The following IL20RB variants were observed in gnomAD, a reference collection of about 807,000 sequenced individuals.
IL20RB encodes the protein interleukin 20 receptor subunit beta.
A neutral mutation model predicts 33.3 loss-of-function variants in IL20RB; 21 were observed. That is an observed-to-expected ratio of 0.63 (90% CI 0.45 to 0.91). IL20RB has a LOEUF of 0.91. Among genes scored for constraint, IL20RB ranks in the 40% least tolerant of loss-of-function variants. The probability of loss-of-function intolerance (pLI) is 0.00; values close to 1 mark genes in which losing one functional copy is unlikely to be tolerated. For synonymous variants in IL20RB, 147 were observed against 146.8 expected (o/e 1.00, Z -0.01); for missense variants, 345 against 384.8 (o/e 0.90, Z 0.86).
rs1365063070 is a variant in IL20RB at position 136,982,317 on chromosome 3, A to G, written c.373A>G (p.Ser125Gly). The G allele has an allele frequency of 1.3e-6, 2 of 1,599,176 alleles. No homozygotes were observed. Among genetic ancestry groups the G allele is most frequent in the South Asian group, 1.1e-5 (1 of 90,280 alleles). The stretch of plus-strand genomic sequence containing the variant: ...ATTGGGCTCACAGACCTCAGCCTGG[A>G]GCATCCTGAAGCATCCCTTTAATAG... ...ATLGSQTSAWSILKHPFNRNS... is the reference protein window; with the variant it reads ...ATLGSQTSAWGILKHPFNRNS... The change falls in exon 3 of 7, where the codon AGC becomes GGC. Residue 125 changes from serine (S) to glycine (G), a missense_variant. Coordinates refer to ENST00000329582, the MANE Select transcript of IL20RB (RefSeq NM_144717.4).
chr3:136,958,591 A>G (rs769879004), intron 1 of IL20RB, among the ~76,000 whole-genome samples: 4 of 152,244 alleles, frequency 2.6e-5, no homozygotes, highest in Non-Finnish European at 2.9e-5. Context: ...CAAAATACAC[A>G]TGAATAAAAA....
intron 1 of IL20RB, among the ~76,000 whole-genome samples, chr3:136,980,106 G>GT (rs1020057028): frequency 2.6e-5 from 4 of 152,152 alleles, no homozygotes; most frequent in African/African-American, 7.2e-5. Context: ...AGACAGTCAT[G>GT]TAACAATCCA....
intron 1 of IL20RB, chr3:136,959,106 C>G (rs1336795940): frequency 1.3e-5 from 2 of 152,206 alleles, no homozygotes; most frequent in Admixed American, 1.3e-4. Flanking sequence ...ACCTTCACAG[C>G]TCCCAGTTGT....
At chr3:136,960,878 C>A (rs1235001572) in intron 1 of IL20RB, among the ~76,000 whole-genome samples, 1 of 152,080 alleles carries the variant, frequency 6.6e-6, no homozygotes, top group Non-Finnish European at 1.5e-5. Flanking sequence ...AATGCATTAG[C>A]CTTAAAGGCT....
chr3:136,987,943 A>G (rs1159020659), intron 3 of IL20RB, among the ~76,000 whole-genome samples: 2 of 152,124 alleles, frequency 1.3e-5, no homozygotes, highest in African/African-American at 4.8e-5. Flanking sequence ...CGCCGCGTGC[A>G]GCCCCGGTTC....
At position 137,010,332 on chromosome 3, in the gene IL20RB, G is replaced by A; in HGVS notation, c.*109G>A. 1.5e-6 allele frequency: 1 copy of A among 680,390 alleles called. No individual in the cohort carries two copies. The highest frequency in any genetic ancestry group is 2.7e-6 in the Non-Finnish European group (1 of 370,280). 42.1% of individuals were successfully genotyped at this position (680,390 alleles called of 1,614,324 possible). ...CCGCCACGGACAAGGGATGAGAGAA[G>A]TAGGAAGAGCCTGTTGTCTACAAGT... On this transcript the variant is annotated 3_prime_UTR_variant, in exon 7 of 7. Transcript: ENST00000329582.
chr3:137,002,781 C>T lies in IL20RB; in HGVS notation c.825+7225C>T, dbSNP rs992526025. Reference sequence around the variant, plus strand: ...AGAAGCTCTTTAGGTTAATTATATCCCATTTGTCTATTTTGGCTTTTGTTG... The same window carrying T: ...AGAAGCTCTTTAGGTTAATTATATCTCATTTGTCTATTTTGGCTTTTGTTG... On this transcript the variant is annotated intron_variant, in intron 6 of 6. Coordinates refer to ENST00000329582, the MANE Select transcript of IL20RB (RefSeq NM_144717.4). Among the ~76,000 whole-genome samples, 5 of 152,176 alleles carry T rather than the reference C, an allele frequency of 3.3e-5. No homozygotes were observed. The South Asian group carries it at 1.0e-3, about 32-fold the overall frequency.
intron 4 of IL20RB, among the ~76,000 whole-genome samples, chr3:136,990,702 G>A (rs532561499): frequency 6.6e-6 from 1 of 152,184 alleles, no homozygotes; most frequent in Non-Finnish European, 1.5e-5. Context: ...CAGGCCAAGG[G>A]TACCCTTGAT....
At chr3:136,964,511 C>T (rs201964273) in intron 1 of IL20RB, among the ~76,000 whole-genome samples, 6,768 of 45,474 alleles carry the variant, frequency 0.15, 734 homozygotes, top group East Asian at 0.53. Context: ...AGTGTCTGTT[C>T]ATGTCCTTCG....
chr3:137,004,035 T>C (rs1393802670), intron 6 of IL20RB, among the ~76,000 whole-genome samples: 1 of 152,188 alleles, frequency 6.6e-6, no homozygotes, highest in Non-Finnish European at 1.5e-5. Flanking sequence ...GGTTTTTGTC[T>C]TTGGTTCTGT....
intron 3 of IL20RB, among the ~76,000 whole-genome samples, chr3:136,986,962 C>T (rs361252): frequency 0.45 from 67,727 of 151,488 alleles, 15,537 homozygotes; most frequent in East Asian, 0.7. Flanking sequence ...TTGTTCGTTC[C>T]TCCTGGTGGG....
chr3:137,007,211 G>A (rs189581061), intron 6 of IL20RB, among the ~76,000 whole-genome samples: 153 of 152,184 alleles, frequency 1.0e-3, no homozygotes, highest in Admixed American at 1.8e-3. Context: ...AGCCCCTACT[G>A]GGAGGTGTCT....
At chr3:137,003,604 G>A (rs1419248568) in intron 6 of IL20RB, among the ~76,000 whole-genome samples, 1 of 152,144 alleles carries the variant, frequency 6.6e-6, no homozygotes, top group Non-Finnish European at 1.5e-5. Flanking sequence ...TGTGAGTTTT[G>A]CACATCGATT....
At chr3:136,967,252 G>C (rs1270692405) in intron 1 of IL20RB, among the ~76,000 whole-genome samples, 1 of 151,448 alleles carries the variant, frequency 6.6e-6, no homozygotes, top group African/African-American at 2.4e-5. Context: ...GGGTATCCTT[G>C]TTGACTTTCT....
chr3:136,969,212 T>C (rs1941399245), intron 1 of IL20RB: 1 of 68,558 alleles, frequency 1.5e-5, no homozygotes. Context: ...CCTTGAGCTG[T>C]GGTGGGCTCC....
intron 1 of IL20RB, among the ~76,000 whole-genome samples, chr3:136,970,858 T>A (rs1398063119): frequency 6.6e-6 from 1 of 151,944 alleles, no homozygotes; most frequent in African/African-American, 2.4e-5. Context: ...TTCACCGTGT[T>A]AGCCAGGATG....
At chr3:136,961,762 A>G (rs1234381813) in intron 1 of IL20RB, among the ~76,000 whole-genome samples, 1 of 152,228 alleles carries the variant, frequency 6.6e-6, no homozygotes, top group Non-Finnish European at 1.5e-5. Context: ...TTATGGTTAC[A>G]TAAGATGTTA....
At chr3:136,999,208 C>G (rs1942193548) in intron 6 of IL20RB, among the ~76,000 whole-genome samples, 1 of 151,992 alleles carries the variant, frequency 6.6e-6, no homozygotes, top group Non-Finnish European at 1.5e-5. Context: ...GTGATCCTCC[C>G]ACTTCAGCCT....
intron 3 of IL20RB, among the ~76,000 whole-genome samples, chr3:136,987,650 C>T (rs1380293045): frequency 6.6e-6 from 1 of 152,184 alleles, no homozygotes; most frequent in Non-Finnish European, 1.5e-5. Context: ...TGGCGCTCAT[C>T]GGGGAGGCTC....
Sources: gnomAD v4.1 joint callset for allele counts (sites outside exome capture counted in the v4.1 genomes callset) on GRCh38, gnomAD v4.1.1 for gene constraint, MANE v1.5 for transcripts, NCBI Gene and HGNC (gene_info 2026-07-23, HGNC 2026-07-21) for gene names.